The following CACNA1G variants were observed in gnomAD, a reference collection of about 807,000 sequenced individuals.
The protein encoded by CACNA1G is voltage-dependent T-type calcium channel subunit alpha-1G.
A neutral mutation model predicts 219.4 loss-of-function variants in CACNA1G; 67 were observed. The observed-to-expected ratio is 0.31, with a 90% confidence interval of 0.25 to 0.37. The LOEUF (loss-of-function observed/expected upper bound fraction) is 0.37. Among genes scored for constraint, CACNA1G ranks in the 10% least tolerant of loss-of-function variants. CACNA1G has a pLI of 1.00. For missense variants in CACNA1G, 2,380 were observed against 3,231.4 expected, an observed-to-expected ratio of 0.74 and a Z score of 6.39; for synonymous variants, 1,296 against 1,345.3, an observed-to-expected ratio of 0.96 and a Z score of 0.80.
chr17:50,589,612 T>C (rs983709214), intron 9 of CACNA1G, among the ~76,000 whole-genome samples: 6 of 152,020 alleles, frequency 3.9e-5, no homozygotes, highest in African/African-American at 1.5e-4. Context: ...GGGTTCGTCA[T>C]TCGTCCTTCT....
rs555052254 is a variant in CACNA1G at position 50,619,587 on chromosome 17, T to G, written c.5782-96T>G. 103 of 1,224,052 alleles carry G rather than the reference T, an allele frequency of 8.4e-5. 3 individuals carry two copies. The South Asian group carries it at 1.4e-3, about 17-fold the overall frequency. 75.8% of individuals were successfully genotyped at this position (1,224,052 alleles called of 1,614,324 possible). On this transcript the variant is annotated intron_variant, in intron 33 of 37. Coordinates refer to ENST00000359106, the MANE Select transcript of CACNA1G (RefSeq NM_018896.5). ...TGGGTGTCACCTCTTTCTCCTCTGT[T>G]TCTCTTGTCAATCCCCTTCCACGAC...
Position 50,571,041 on chromosome 17 carries a change from C to A in CACNA1G, c.587-837C>A, listed in dbSNP as rs995434418. 1.3e-5 allele frequency among the ~76,000 whole-genome samples: 2 copies of A among 152,060 alleles called. No individual in the cohort carries two copies. Among genetic ancestry groups the A allele is most frequent in the Non-Finnish European group, 2.9e-5 (2 of 68,024 alleles). The stretch of plus-strand genomic sequence containing the variant: ...TGGGGGCTGGTTCAGACCATTTGGG[C>A]CGGTTGGGTTCTAGACCTGGAGTAC... On this transcript the variant is annotated intron_variant, in intron 4 of 37. Coordinates refer to ENST00000359106, the MANE Select transcript of CACNA1G (RefSeq NM_018896.5). The surrounding 1 kb of genome is among the most constrained non-coding windows in gnomAD (Gnocchi z 4.3).
At chr17:50,567,726 T>G (rs1242097597) in intron 1 of CACNA1G, among the ~76,000 whole-genome samples, 5 of 152,110 alleles carry the variant, frequency 3.3e-5, no homozygotes, top group African/African-American at 1.2e-4. Flanking sequence ...TCTCATATTT[T>G]CCTTAAAGAA....
chr17:50,609,864 CG>C lies in CACNA1G; in HGVS notation c.4706-17del. 6.2e-7 allele frequency: 1 copy of C among 1,609,924 alleles called. No homozygotes were observed. On this transcript the variant is annotated splice_polypyrimidine_tract_variant and intron_variant, in intron 25 of 37. Transcript: ENST00000359106. ...ACCTGGTCCGGCCAGTGACCAATGT[CG>C]TGTTTCGTTCTTTTAGATCTAATGC...
intron 25 of CACNA1G, 145 bp downstream of exon 25, chr17:50,608,164 C>A: frequency 1.4e-6 from 1 of 698,748 alleles, no homozygotes; most frequent in Non-Finnish European, 2.4e-6. Flanking sequence ...CCTCCTTCTC[C>A]CCAAGAGCAT....
chr17:50,590,929 C>T (rs968020231), intron 10 of CACNA1G, among the ~76,000 whole-genome samples: 2 of 152,028 alleles, frequency 1.3e-5, no homozygotes, highest in Non-Finnish European at 2.9e-5. Context: ...CTGGGATGGG[C>T]GAGGGTGAGA....
rs914520632 is a variant in CACNA1G, at chr17:50,600,168, C to A, written c.3690+309C>A. Among the ~76,000 whole-genome samples, 2 of 152,170 alleles carry A rather than the reference C, an allele frequency of 1.3e-5. No homozygotes were observed. The highest frequency in any genetic ancestry group is 4.8e-5 in the African/African-American group (2 of 41,438). ...TCAGAAAGACCCATCACTCATCTCTCCAAACTGATGCCCCGCATCCCCCTT... is the reference window on the plus strand; with the variant it reads ...TCAGAAAGACCCATCACTCATCTCTACAAACTGATGCCCCGCATCCCCCTT... On this transcript the variant is annotated intron_variant, in intron 17 of 37. Coordinates refer to ENST00000359106, the MANE Select transcript of CACNA1G (RefSeq NM_018896.5). This position sits in a 1 kb window ranked among gnomAD's most constrained non-coding sequence, Gnocchi z 4.1.
intron 26 of CACNA1G, among the ~76,000 whole-genome samples, chr17:50,614,270 C>T (rs1208511042): frequency 6.6e-6 from 1 of 152,220 alleles, no homozygotes; most frequent in Non-Finnish European, 1.5e-5. Context: ...GCCAGCTACC[C>T]CCTGGCTCAG....
At position 50,618,772 on chromosome 17, in the gene CACNA1G, GTGC is replaced by G; in HGVS notation, c.5548_5550del (p.Leu1850del). ...CGTGCTAGTCAACGTGGTGATCGCC[GTGC>G]TGATGAAGCACCTGGAGGAGAGCAA... is the stretch of plus-strand genomic sequence containing the variant. On this transcript the variant is annotated inframe_deletion, in exon 33 of 38. Transcript: ENST00000359106. The surrounding 1 kb of genome is among the most constrained non-coding windows in gnomAD (Gnocchi z 5.3). 1 of 1,613,974 alleles carries G rather than the reference GTGC, an allele frequency of 6.2e-7. No homozygotes were observed. The highest frequency in any genetic ancestry group is 8.5e-7 in the Non-Finnish European group (1 of 1,179,894).
At position 50,561,647 on chromosome 17, in the gene CACNA1G, A is replaced by G. The variant is rs1729276679; in HGVS notation, c.188A>G (p.Tyr63Cys). 2 of 1,606,936 alleles carry G rather than the reference A, an allele frequency of 1.2e-6. No homozygotes were observed. The highest frequency in any genetic ancestry group is 1.7e-6 in the Non-Finnish European group (2 of 1,177,454). ...GCGCTGGCCCCGGTGGTTTTCTTCT[A>G]CTTGAGCCAGGACAGCCGCCCGCGG... ...YPALAPVVFF[Y>C]LSQDSRPRSW... The change falls in exon 1 of 38, where the codon TAC becomes TGC. Residue 63 changes from tyrosine to cysteine, a missense_variant. By Grantham distance (194) the Tyr-to-Cys change is radical (BLOSUM62 -2). This residue lies in a region of CACNA1G where 64 missense variants were observed against 103.7 expected (regional missense o/e 0.62). Transcript: ENST00000359106.
chr17:50,572,127 A>G (rs563716484), intron 5 of CACNA1G, 90 bp downstream of exon 5: 47 of 1,374,068 alleles, frequency 3.4e-5, no homozygotes, highest in Non-Finnish European at 3.9e-5. Flanking sequence ...TGCTACTGAC[A>G]TATCTGTTCT....
At chr17:50,611,689 G>A (rs182514771) in intron 26 of CACNA1G, among the ~76,000 whole-genome samples, 223 of 152,250 alleles carry the variant, frequency 1.5e-3, no homozygotes, top group Admixed American at 0.013. Context: ...TCCCTTACGG[G>A]CCCACCTGGT....
At chr17:50,570,557 C>CTGTGTGTGTGTGTGTG (rs3062844) in intron 4 of CACNA1G, among the ~76,000 whole-genome samples, 14,927 of 132,444 alleles carry the variant, frequency 0.11, 1,142 homozygotes, top group East Asian at 0.13. Flanking sequence ...CCCCTGCGCT[C>CTGTGTGTGTGTGTGTG]TGTGTGTGTG....
Position 50,575,912 on chromosome 17 carries a change from C to T in CACNA1G, c.1510C>T (p.His504Tyr). 6.4e-7 allele frequency: 1 copy of T among 1,558,420 alleles called. No individual in the cohort carries two copies. Among genetic ancestry groups the T allele is most frequent in the Non-Finnish European group, 8.7e-7 (1 of 1,151,972 alleles). Residue 504 changes from histidine (H) to tyrosine (Y), a missense_variant, in exon 8 of 38, where the codon CAC becomes TAC. This residue lies in a region of CACNA1G where 434 missense variants were observed against 417.3 expected (regional missense o/e 1.04). Coordinates refer to ENST00000359106, the MANE Select transcript of CACNA1G (RefSeq NM_018896.5). Reference protein sequence around the residue: ...LVHHHHHHHHHYHLGNGTLRA... With the variant: ...LVHHHHHHHHYYHLGNGTLRA... ...GCACCACCACCACCACCATCACCAC[C>T]ACTACCACCTGGGCAATGGGACGCT...
chr17:50,595,664 G>C (rs980652766), intron 14 of CACNA1G, among the ~76,000 whole-genome samples: 1 of 152,266 alleles, frequency 6.6e-6, no homozygotes, highest in East Asian at 1.9e-4. Flanking sequence ...CTGGCTCCCG[G>C]TCTGGCCCCA....
At chr17:50,569,367 G>A (rs1418625732) in intron 3 of CACNA1G, 69 bp downstream of exon 3, 3 of 1,544,780 alleles carry the variant, frequency 1.9e-6, no homozygotes, top group Non-Finnish European at 2.7e-6. Context: ...CAGGGTTCTG[G>A]GCCTGTGACC....
Position 50,603,221 on chromosome 17 carries a change from G to C in CACNA1G, c.4169+22G>C. ...TCAGGTGACTCCCTCCCCAGCACTG[G>C]AACACCTCCAAGAGGTGGCCCCCTC... On this transcript the variant is annotated intron_variant, in intron 21 of 37. Transcript: ENST00000359106. The surrounding 1 kb of genome is among the most constrained non-coding windows in gnomAD (Gnocchi z 6.4). The C allele has an allele frequency of 6.3e-7, 1 of 1,593,862 alleles. No homozygotes were observed.
At position 50,568,997 on chromosome 17, in the gene CACNA1G, TG is replaced by T; in HGVS notation, c.354+17del. The T allele has an allele frequency of 6.7e-7, 1 of 1,492,366 alleles. No individual in the cohort carries two copies. Among genetic ancestry groups the T allele is most frequent in the Non-Finnish European group, 9.0e-7 (1 of 1,107,410 alleles). The allele number at this position is 1,492,366 out of a possible 1,614,324, so 92.4% of individuals were successfully genotyped here. On this transcript the variant is annotated intron_variant, in intron 2 of 37. Coordinates refer to ENST00000359106, the MANE Select transcript of CACNA1G (RefSeq NM_018896.5). The stretch of plus-strand genomic sequence containing the variant: ...GATCCTGCAGGTGAGTGTGTGTGTG[TG>T]TGTGTGTGTGTGTGTGTTGTGTGTG...
At position 50,561,684 on chromosome 17, in the gene CACNA1G, C is replaced by T. The variant is rs774053779; in HGVS notation, c.225C>T (p.Leu75=). Residue 75 remains leucine (L), a synonymous_variant, in exon 1 of 38, where the codon CTC becomes CTT. Coordinates refer to ENST00000359106, the MANE Select transcript of CACNA1G (RefSeq NM_018896.5). ...SQDSRPRSWC[L]RTVCNPWFER... ...ACAGCCGCCCGCGGAGCTGGTGTCTCCGCACGGTCTGTAACCCATATCCTT... is the reference window on the plus strand; with the variant it reads ...ACAGCCGCCCGCGGAGCTGGTGTCTTCGCACGGTCTGTAACCCATATCCTT... 7 of 1,603,306 alleles carry T rather than the reference C, an allele frequency of 4.4e-6. No homozygotes were observed. The South Asian group carries it at 5.5e-5, about 13-fold the overall frequency.
Sources: gnomAD v4.1 joint callset for allele counts (sites outside exome capture counted in the v4.1 genomes callset) on GRCh38, gnomAD v4.1.1 for gene constraint, gnomAD v4.1.1 regional missense constraint, Gnocchi (gnomAD v3.1) non-coding constraint, MANE v1.5 for transcripts, NCBI Gene and HGNC (gene_info 2026-07-23, HGNC 2026-07-21) for gene names.